RALYL: variants seen among roughly 807,000 people sequenced by gnomAD.
RALYL encodes the protein RALY RNA binding protein like.
A neutral mutation model predicts 35.1 loss-of-function variants in RALYL; 29 were observed. The ratio of observed to expected loss-of-function variants is 0.83; its 90% CI spans 0.61 to 1.13. The LOEUF is 1.13. Among genes scored for constraint, RALYL ranks in the 50% most tolerant of loss-of-function variants. The probability of loss-of-function intolerance (pLI) is 0.00; values close to 1 mark genes in which losing one functional copy is unlikely to be tolerated. For synonymous variants in RALYL, 120 were observed against 127.6 expected (o/e 0.94, Z 0.40); for missense variants, 359 against 360.4 (o/e 1.00, Z 0.03).
At chr8:84,430,531 G>A (rs2047033136) in intron 1 of RALYL, among the ~76,000 whole-genome samples, 1 of 152,062 alleles carries the variant, frequency 6.6e-6, no homozygotes, top group Non-Finnish European at 1.5e-5. Flanking sequence ...CTGAGACCTA[G>A]CTTTATAGAG....
intron 2 of RALYL, among the ~76,000 whole-genome samples, chr8:84,689,331 TG>T (rs1480633251): frequency 6.6e-6 from 1 of 152,260 alleles, no homozygotes; most frequent in Admixed American, 6.5e-5. Context: ...ATGCGGTGTT[TG>T]GTTTTTTGTT....
chr8:84,813,004 C>T (rs1826273607), intron 4 of RALYL, among the ~76,000 whole-genome samples: 2 of 152,310 alleles, frequency 1.3e-5, no homozygotes, highest in South Asian at 2.1e-4. Flanking sequence ...TTTTCCCCCG[C>T]TCCTCTGGCC....
chr8:84,557,704 A>T, intron 2 of RALYL, among the ~76,000 whole-genome samples: 1 of 152,288 alleles, frequency 6.6e-6, no homozygotes, highest in Middle Eastern at 3.4e-3. Flanking sequence ...TTTACTATTT[A>T]TTCTAGAGTA....
At chr8:84,327,169 T>C (rs889824254) in intron 1 of RALYL, among the ~76,000 whole-genome samples, 10 of 152,080 alleles carry the variant, frequency 6.6e-5, no homozygotes, top group African/African-American at 2.4e-4. Flanking sequence ...AACTCAGGAA[T>C]GGAAATGATT....
chr8:84,387,656 C>T (rs569680405), intron 1 of RALYL, among the ~76,000 whole-genome samples: 129 of 151,860 alleles, frequency 8.5e-4, no homozygotes, highest in African/African-American at 2.9e-3. Flanking sequence ...CTCTCCCCTA[C>T]ACCACACTAT....
intron 5 of RALYL, among the ~76,000 whole-genome samples, chr8:84,860,242 T>A (rs1837847876): frequency 6.6e-6 from 1 of 152,362 alleles, no homozygotes; most frequent in African/African-American, 2.4e-5. Context: ...ATATTTTGAT[T>A]GTGTTTTAGA....
chr8:84,206,590 A>T (rs1337682580), intron 1 of RALYL, among the ~76,000 whole-genome samples: 1 of 152,200 alleles, frequency 6.6e-6, no homozygotes, highest in African/African-American at 2.4e-5. Context: ...GTGTCTCTAG[A>T]AACAGTAATT....
At chr8:84,692,024 T>C (rs1466593097) in intron 2 of RALYL, among the ~76,000 whole-genome samples, 1 of 151,942 alleles carries the variant, frequency 6.6e-6, no homozygotes, top group Non-Finnish European at 1.5e-5. Flanking sequence ...AAATTCAATA[T>C]CCAATCATGA....
At chr8:84,483,793 C>A (rs1177227870) in intron 1 of RALYL, among the ~76,000 whole-genome samples, 1 of 152,048 alleles carries the variant, frequency 6.6e-6, no homozygotes, top group Non-Finnish European at 1.5e-5. Context: ...CAAAAGCCAG[C>A]CATTTTTACA....
intron 1 of RALYL, among the ~76,000 whole-genome samples, chr8:84,379,014 G>A (rs1857442648): frequency 6.6e-6 from 1 of 151,920 alleles, no homozygotes; most frequent in Admixed American, 6.6e-5. Context: ...CTTTGCTTTT[G>A]GTTGCTGCCA....
intron 8 of RALYL, among the ~76,000 whole-genome samples, chr8:84,914,514 A>G (rs190793348): frequency 6.6e-6 from 1 of 152,156 alleles, no homozygotes; most frequent in East Asian, 1.9e-4. Context: ...GTACAATTGG[A>G]ATAAAATAAG....
chr8:84,322,166 C>T (rs1844980224), intron 1 of RALYL, among the ~76,000 whole-genome samples: 1 of 152,148 alleles, frequency 6.6e-6, no homozygotes, highest in East Asian at 1.9e-4. Flanking sequence ...CAGTATAAAT[C>T]AACTTCATCT....
chr8:84,435,499 G>A (rs1453391531), intron 1 of RALYL, among the ~76,000 whole-genome samples: 1 of 152,130 alleles, frequency 6.6e-6, no homozygotes, highest in African/African-American at 2.4e-5. Flanking sequence ...AAAATATTCA[G>A]AGGGGACTTT....
At chr8:84,704,484 A>AC (rs1840822487) in intron 2 of RALYL, among the ~76,000 whole-genome samples, 1 of 129,544 alleles carries the variant, frequency 7.7e-6, no homozygotes, top group South Asian at 2.3e-4. Flanking sequence ...CACACACACA[A>AC]CAACTCATTT....
intron 4 of RALYL, among the ~76,000 whole-genome samples, chr8:84,838,447 C>G (rs1393327452): frequency 1.3e-5 from 2 of 152,150 alleles, no homozygotes; most frequent in African/African-American, 4.8e-5. Context: ...GGAAATCCAC[C>G]TTGATTTTAT....
chr8:84,909,603 G>A (rs1047716894), intron 8 of RALYL, among the ~76,000 whole-genome samples: 2 of 152,012 alleles, frequency 1.3e-5, no homozygotes, highest in African/African-American at 4.8e-5. Flanking sequence ...AAGAAATAAA[G>A]GCTGTATGAA....
At position 84,501,923 on chromosome 8, in the gene RALYL, C is replaced by T. The variant is rs1055635393; in HGVS notation, c.-23-27376C>T. On this transcript the variant is annotated intron_variant, in intron 1 of 8. Coordinates refer to ENST00000521268, the MANE Select transcript of RALYL (RefSeq NM_173848.7). ...CTATATTAAAAATCATAGAATTTTA[C>T]TCAAGAATGAAACATGAAGCCTTAG... 2.0e-5 allele frequency among the ~76,000 whole-genome samples: 3 copies of T among 151,228 alleles called. No homozygotes were observed. The South Asian group carries it at 6.2e-4, about 31-fold the overall frequency.
intron 7 of RALYL, among the ~76,000 whole-genome samples, chr8:84,881,726 C>G (rs967248752): frequency 6.6e-6 from 1 of 151,814 alleles, no homozygotes; most frequent in African/African-American, 2.4e-5. Flanking sequence ...GAAATACTTA[C>G]CTGTAATTTG....
In RALYL at chr8:84,555,288, T is replaced by C. The variant is rs7011181; in HGVS notation, c.256+25711T>C. Among the ~76,000 whole-genome samples, 293 of 150,792 alleles carry C rather than the reference T, an allele frequency of 1.9e-3. 4 individuals carry two copies. The highest frequency in any genetic ancestry group is 5.5e-3 in the African/African-American group (227 of 41,082). ...GTGAGACTCCATCTCAATATATACA[T>C]ACACACACACACACACACATATATA... is the stretch of plus-strand genomic sequence containing the variant. On this transcript the variant is annotated intron_variant, in intron 2 of 8. Coordinates refer to ENST00000521268, the MANE Select transcript of RALYL (RefSeq NM_173848.7).
Sources: allele counts gnomAD v4.1 joint callset (sites outside exome capture counted in the v4.1 genomes callset), GRCh38; gene constraint gnomAD v4.1.1; transcripts MANE v1.5; gene names NCBI Gene and HGNC (gene_info 2026-07-23, HGNC 2026-07-21).